CLEC2B: variants seen among roughly 807,000 people sequenced by gnomAD.
CLEC2B encodes C-type lectin domain family 2 member B.
In CLEC2B, 14 loss-of-function variants were observed where a neutral mutation model predicts 16.2. The ratio of observed to expected loss-of-function variants is 0.86; its 90% CI spans 0.57 to 1.35. The LOEUF (loss-of-function observed/expected upper bound fraction) is 1.35, where lower values mean the gene tolerates loss of function less well. Among genes scored for constraint, CLEC2B ranks in the 40% most tolerant of loss-of-function variants. CLEC2B has a pLI of 0.00. For synonymous variants in CLEC2B, 42 were observed against 55.8 expected (o/e 0.75, Z 1.10); for missense variants, 166 against 182.3 (o/e 0.91, Z 0.52).
chr12:9,852,593 C>T lies in CLEC2B; in HGVS notation c.*707G>A, dbSNP rs770021106. Among the ~76,000 whole-genome samples the T allele has an allele frequency of 3.7e-4, 56 of 152,114 alleles. No homozygotes were observed. The highest frequency in any genetic ancestry group is 6.5e-4 in the Admixed American group (10 of 15,272). ...TGCTGTGTGCCCTGAGTGCCTTTTT[C>T]CCCTGGCCTGTCTACCCTGTTTTAG... On this transcript the variant is annotated 3_prime_UTR_variant, in exon 5 of 5. Transcript: ENST00000228438.
intron 2 of CLEC2B, among the ~76,000 whole-genome samples, chr12:9,861,560 C>T (rs1274941223): frequency 1.3e-5 from 2 of 151,998 alleles, no homozygotes; most frequent in Non-Finnish European, 2.9e-5. Flanking sequence ...CAAGTTATTT[C>T]CAGTATTCAT....
chr12:9,868,491 C>T (rs993621951), intron 1 of CLEC2B, among the ~76,000 whole-genome samples: 1 of 152,010 alleles, frequency 6.6e-6, no homozygotes. Flanking sequence ...CATCACAGTC[C>T]CTAAATCTCT....
At chr12:9,866,515 A>G (rs1591770914) in intron 1 of CLEC2B, among the ~76,000 whole-genome samples, 1 of 152,272 alleles carries the variant, frequency 6.6e-6, no homozygotes, top group East Asian at 1.9e-4. Flanking sequence ...TATAGTTACA[A>G]CAGGAAGTAA....
Position 9,853,337 on chromosome 12 carries a change from G to A in CLEC2B, c.413C>T (p.Thr138Ile), listed in dbSNP as rs530186204. The change falls in exon 5 of 5, where the codon ACC becomes ATC. Residue 138 changes from threonine to isoleucine, a missense_variant. Coordinates refer to ENST00000228438, the MANE Select transcript of CLEC2B (RefSeq NM_005127.3). ...DDGAATARCY[T>I]ERKWICRKRI... ...TTTCCTGCAAATCCATTTTCTTTCG[G>A]TGTAACATCTAGCTGTTGCTGCACC... 9 of 1,613,588 alleles carry A rather than the reference G, an allele frequency of 5.6e-6. No homozygotes were observed. Among genetic ancestry groups the A allele is most frequent in the Non-Finnish European group, 6.8e-6 (8 of 1,179,792 alleles).
At chr12:9,862,701 A>C in intron 1 of CLEC2B, 128 bp from the exon 2 acceptor site, 3 of 757,626 alleles carry the variant, frequency 4.0e-6, no homozygotes, top group Non-Finnish European at 5.5e-6. Flanking sequence ...ATCCCCAGCA[A>C]TATCCTAGAA....
At chr12:9,865,683 A>G (rs888666135) in intron 1 of CLEC2B, among the ~76,000 whole-genome samples, 4 of 152,192 alleles carry the variant, frequency 2.6e-5, no homozygotes, top group Admixed American at 6.5e-5. Flanking sequence ...ACACGTACAG[A>G]AGCACTGCTG....
At chr12:9,855,212 A>G (rs372824102) in intron 3 of CLEC2B, among the ~76,000 whole-genome samples, 153 of 152,214 alleles carry the variant, frequency 1.0e-3, no homozygotes, top group African/African-American at 3.6e-3. Context: ...TCAATTTAAG[A>G]GAAATATAAA....
intron 3 of CLEC2B, 104 bp from the exon 4 acceptor site, chr12:9,854,588 T>G: frequency 1.3e-6 from 1 of 749,644 alleles, no homozygotes; most frequent in South Asian, 1.5e-5. Context: ...CAACAATTGT[T>G]CAACTCCTGG....
chr12:9,855,104 C>G (rs867138096), intron 3 of CLEC2B, among the ~76,000 whole-genome samples: 1 of 152,048 alleles, frequency 6.6e-6, no homozygotes, highest in Non-Finnish European at 1.5e-5. Flanking sequence ...TAACCCTCGA[C>G]CTTTTTCTTT....
At chr12:9,865,548 A>G (rs538049146) in intron 1 of CLEC2B, among the ~76,000 whole-genome samples, 1 of 152,322 alleles carries the variant, frequency 6.6e-6, no homozygotes, top group African/African-American at 2.4e-5. Flanking sequence ...GGAGAGATAG[A>G]CTGCAATGCA....
chr12:9,862,835 C>T (rs189903192), intron 1 of CLEC2B, among the ~76,000 whole-genome samples: 68 of 152,162 alleles, frequency 4.5e-4, no homozygotes, highest in Non-Finnish European at 6.2e-4. Context: ...GCAATCTTTC[C>T]GGTACCCAAG....
intron 1 of CLEC2B, 93 bp from the exon 2 acceptor site, chr12:9,862,666 A>T: frequency 1.7e-5 from 19 of 1,087,452 alleles, no homozygotes; most frequent in Non-Finnish European, 2.3e-5. Context: ...ACAGAAAACA[A>T]CAACAAAATA....
rs370740940 is a variant in CLEC2B at position 9,865,252 on chromosome 12, CA to C, written c.-2-2680del. On this transcript the variant is annotated intron_variant, in intron 1 of 4. Coordinates refer to ENST00000228438, the MANE Select transcript of CLEC2B (RefSeq NM_005127.3). Reference sequence around the variant, plus strand: ...GTAAAGAGAAAACCCTAACTGTATGCAGCCTACAGGAAATCTGCTTCACCTA... The same window carrying C: ...GTAAAGAGAAAACCCTAACTGTATGCGCCTACAGGAAATCTGCTTCACCTA... Among the ~76,000 whole-genome samples, 663 of 150,060 alleles carry C rather than the reference CA, an allele frequency of 4.4e-3. 6 individuals carry two copies. The highest frequency in any genetic ancestry group is 0.016 in the African/African-American group (641 of 40,840).
intron 2 of CLEC2B, 100 bp from the exon 3 acceptor site, chr12:9,857,737 G>A (rs1867905553): frequency 6.4e-6 from 6 of 936,742 alleles, no homozygotes; most frequent in Non-Finnish European, 6.5e-6. Flanking sequence ...AAAGATTATG[G>A]TCACTATGAA....
At chr12:9,865,184 A>ATC (rs1867961731) in intron 1 of CLEC2B, among the ~76,000 whole-genome samples, 2 of 55,042 alleles carry the variant, frequency 3.6e-5, no homozygotes, top group Non-Finnish European at 8.6e-5. Flanking sequence ...CTCTCTCAAA[A>ATC]AAAAAAAAAA....
intron 1 of CLEC2B, among the ~76,000 whole-genome samples, chr12:9,864,321 C>T (rs1180550321): frequency 6.6e-6 from 1 of 151,748 alleles, no homozygotes; most frequent in Non-Finnish European, 1.5e-5. Flanking sequence ...GTTCTTCAAC[C>T]AAAAAGAAAA....
At chr12:9,864,403 ATACTC>A (rs1451342650) in intron 1 of CLEC2B, among the ~76,000 whole-genome samples, 16 of 152,210 alleles carry the variant, frequency 1.1e-4, no homozygotes, top group African/African-American at 3.6e-4. Flanking sequence ...CAAACCCAGA[ATACTC>A]TAATACTGTA....
Position 9,852,957 on chromosome 12 carries a change from A to C in CLEC2B, c.*343T>G. 1 of 219,048 alleles carries C rather than the reference A, an allele frequency of 4.6e-6. No homozygotes were observed. Among genetic ancestry groups the C allele is most frequent in the Non-Finnish European group, 9.2e-6 (1 of 108,930 alleles). The allele number at this position is 219,048 out of a possible 1,614,324, so 13.6% of individuals were successfully genotyped here. ...TTTGTTCAATAGGCCATAATCTCCT[A>C]TTCTGGTACTCAAATTGTTCCATAT... On this transcript the variant is annotated 3_prime_UTR_variant, in exon 5 of 5. Transcript: ENST00000228438.
intron 3 of CLEC2B, among the ~76,000 whole-genome samples, chr12:9,856,544 G>A (rs1867895328): frequency 6.6e-6 from 1 of 151,908 alleles, no homozygotes; most frequent in South Asian, 2.1e-4. Context: ...TGATTCACAT[G>A]CATTTAAATT....
Sources: gnomAD v4.1 joint callset for allele counts (sites outside exome capture counted in the v4.1 genomes callset) on GRCh38, gnomAD v4.1.1 for gene constraint, MANE v1.5 for transcripts, NCBI Gene and HGNC (gene_info 2026-07-23, HGNC 2026-07-21) for gene names.